ADAM12: variants seen among roughly 807,000 people sequenced by gnomAD.
ADAM12 encodes disintegrin and metalloproteinase domain-containing protein 12.
In ADAM12, 70 loss-of-function variants were observed where a neutral mutation model predicts 106.4. The observed-to-expected ratio is 0.66, with a 90% confidence interval of 0.54 to 0.80. ADAM12 has a LOEUF of 0.80. Ranked by LOEUF, ADAM12 falls within the 30% of genes least tolerant of loss-of-function variation. The pLI is 0.00. For missense variants in ADAM12, 1,010 were observed against 1,171.9 expected (o/e 0.86, Z 2.02); for synonymous variants, 420 against 433.5 (o/e 0.97, Z 0.39).
Position 126,037,077 on chromosome 10 carries a change from A to T in ADAM12, c.2350-752T>A, listed in dbSNP as rs185369779. Among the ~76,000 whole-genome samples the T allele has an allele frequency of 3.9e-5, 6 of 152,088 alleles. No individual in the cohort carries two copies. The East Asian group carries it at 1.2e-3, about 30-fold the overall frequency. ...CTGCTTTCTGTCACTATCAGTTTGC[A>T]TTTGTCAGAATTGTATATAAGTGGG... is the stretch of plus-strand genomic sequence containing the variant. On this transcript the variant is annotated intron_variant, in intron 20 of 22. Transcript: ENST00000448723.
At chr10:126,322,408 C>G (rs1013303552) in intron 2 of ADAM12, among the ~76,000 whole-genome samples, 3 of 152,348 alleles carry the variant, frequency 2.0e-5, no homozygotes, top group East Asian at 1.9e-4. Context: ...TGGTTCTCAA[C>G]CCGGGGCAAT....
rs574719488 is a variant in ADAM12 at position 126,168,827 on chromosome 10, C to A, written c.261-13522G>T. ...TAGCACTTTGGGAGGCTGAGGCGGG[C>A]GGATCACTTGAGGTCAGGAGTTCGA... On this transcript the variant is annotated intron_variant, in intron 3 of 22. Coordinates refer to ENST00000448723, the MANE Select transcript of ADAM12 (RefSeq NM_001288973.2). Among the ~76,000 whole-genome samples the A allele has an allele frequency of 1.2e-4, 19 of 152,074 alleles. No homozygotes were observed. In the South Asian group the frequency reaches 3.9e-3, roughly 32 times the overall value.
At chr10:126,026,853 C>T (rs1953883054) in intron 21 of ADAM12, among the ~76,000 whole-genome samples, 2 of 152,112 alleles carry the variant, frequency 1.3e-5, no homozygotes, top group African/African-American at 4.8e-5. Flanking sequence ...CCTAACATCA[C>T]AGCTAAAAGA....
At chr10:126,307,869 T>C (rs1304855796) in intron 2 of ADAM12, among the ~76,000 whole-genome samples, 1 of 152,236 alleles carries the variant, frequency 6.6e-6, no homozygotes, top group African/African-American at 2.4e-5. Context: ...CTGGAATTAC[T>C]TGCATGAGCC....
chr10:126,266,465 T>A (rs1038493529), intron 3 of ADAM12, among the ~76,000 whole-genome samples: 2 of 152,138 alleles, frequency 1.3e-5, no homozygotes, highest in African/African-American at 4.8e-5. Flanking sequence ...TGATTCCTTT[T>A]CCTGCAGACA....
chr10:126,115,640 A>T (rs1400258520), intron 6 of ADAM12, among the ~76,000 whole-genome samples: 1 of 152,206 alleles, frequency 6.6e-6, no homozygotes, highest in Non-Finnish European at 1.5e-5. Context: ...GAAAAATCAG[A>T]GTCTGCAAAC....
chr10:126,296,476 C>T (rs1437367258), intron 2 of ADAM12, among the ~76,000 whole-genome samples: 1 of 152,110 alleles, frequency 6.6e-6, no homozygotes, highest in Non-Finnish European at 1.5e-5. Context: ...ACAATCTTTT[C>T]AAAGTCATGC....
chr10:126,067,007 GA>G, intron 12 of ADAM12: 3 of 542,008 alleles, frequency 5.5e-6, no homozygotes, highest in Non-Finnish European at 6.7e-6. Flanking sequence ...CGAGTCCCTG[GA>G]AAAAGCCAGT....
intron 9 of ADAM12, among the ~76,000 whole-genome samples, chr10:126,099,014 G>A (rs1955608927): frequency 6.6e-6 from 1 of 152,184 alleles, no homozygotes; most frequent in African/African-American, 2.4e-5. Context: ...TATCAACCCT[G>A]GAGCCGGTGT....
intron 4 of ADAM12, among the ~76,000 whole-genome samples, chr10:126,139,086 A>G (rs916408326): frequency 1.3e-5 from 2 of 152,200 alleles, no homozygotes; most frequent in Non-Finnish European, 2.9e-5. Flanking sequence ...CAGATGAATT[A>G]CAGAATCCAA....
chr10:126,221,607 A>G (rs967044121), intron 3 of ADAM12, among the ~76,000 whole-genome samples: 10 of 152,126 alleles, frequency 6.6e-5, no homozygotes, highest in Admixed American at 2.6e-4. Context: ...TCTCTTCACC[A>G]TCTGTCTTCT....
At position 126,019,774 on chromosome 10, in the gene ADAM12, C is replaced by G; in HGVS notation, c.2581G>C (p.Ala861Pro). 1 of 1,614,124 alleles carries G rather than the reference C, an allele frequency of 6.2e-7. No individual in the cohort carries two copies. Among genetic ancestry groups the G allele is most frequent in the Non-Finnish European group, 8.5e-7 (1 of 1,179,998 alleles). The part of the protein sequence containing the change: ...PQKPLPADPL[A>P]RTTRLTHALA... The stretch of plus-strand genomic sequence containing the variant: ...GCATGAGTGAGCCGAGTTGTTCTGG[C>G]CAGAGGATCTGCAGGCAGAGGCTTC... Residue 861 changes from alanine (A) to proline (P), a missense_variant, in exon 22 of 23, where the codon GCC becomes CCC. Around this residue, in one of 3 missense-constraint regions of ADAM12, gnomAD observed 615 missense variants for 708.5 expected, o/e 0.87. Transcript: ENST00000448723.
chr10:126,179,385 G>T (rs940928263), intron 3 of ADAM12, among the ~76,000 whole-genome samples: 1 of 152,174 alleles, frequency 6.6e-6, no homozygotes, highest in Admixed American at 6.5e-5. Flanking sequence ...TACACATTGG[G>T]CTCAAAATGA....
At chr10:126,137,894 C>T (rs1294771379) in intron 4 of ADAM12, among the ~76,000 whole-genome samples, 1 of 152,194 alleles carries the variant, frequency 6.6e-6, no homozygotes, top group African/African-American at 2.4e-5. Context: ...TGGATATGCA[C>T]TATGAGTAGA....
chr10:126,387,748 G>C (rs190046667), intron 1 of ADAM12, among the ~76,000 whole-genome samples: 1 of 152,140 alleles, frequency 6.6e-6, no homozygotes, highest in Admixed American at 6.5e-5. Flanking sequence ...ACGTGTAAAT[G>C]TCAAGATACA....
intron 11 of ADAM12, among the ~76,000 whole-genome samples, chr10:126,072,955 A>C (rs1306787081): frequency 6.6e-6 from 1 of 152,180 alleles, no homozygotes; most frequent in East Asian, 1.9e-4. Context: ...TTAATGATTG[A>C]GCTTGGTGAA....
intron 1 of ADAM12, among the ~76,000 whole-genome samples, chr10:126,353,711 G>A (rs1855442748): frequency 6.6e-6 from 1 of 152,120 alleles, no homozygotes; most frequent in African/African-American, 2.4e-5. Context: ...CAAAGCTAAT[G>A]GAATCCAGGT....
At chr10:126,031,676 TAGATG>T (rs1449576142) in intron 21 of ADAM12, among the ~76,000 whole-genome samples, 1 of 152,220 alleles carries the variant, frequency 6.6e-6, no homozygotes, top group Non-Finnish European at 1.5e-5. Flanking sequence ...AGCCTTTTCT[TAGATG>T]AGACTGTGCC....
At chr10:126,091,136 G>A (rs972328166) in intron 11 of ADAM12, 3 of 111,076 alleles carry the variant, frequency 2.7e-5, no homozygotes, top group Non-Finnish European at 6.5e-5. Context: ...GCAATGATGA[G>A]TAGGAATTCT....
Sources: allele counts gnomAD v4.1 joint callset (sites outside exome capture counted in the v4.1 genomes callset), GRCh38; gene constraint gnomAD v4.1.1; regional missense constraint gnomAD v4.1.1; transcripts MANE v1.5; gene names NCBI Gene and HGNC (gene_info 2026-07-23, HGNC 2026-07-21).